The following SMOC1 variants were observed in gnomAD, a reference collection of about 807,000 sequenced individuals.
The protein encoded by SMOC1 is SPARC-related modular calcium-binding protein 1.
In SMOC1, 22 loss-of-function variants were observed where a neutral mutation model predicts 56.3. That is an observed-to-expected ratio of 0.39 (90% CI 0.28 to 0.56). The LOEUF (loss-of-function observed/expected upper bound fraction) is 0.56. Among genes scored for constraint, SMOC1 ranks in the 20% least tolerant of loss-of-function variants. The probability of loss-of-function intolerance (pLI) is 0.61; values close to 1 mark genes in which losing one functional copy is unlikely to be tolerated. For synonymous variants in SMOC1, 193 were observed against 215.0 expected (o/e 0.90, Z 0.89); for missense variants, 509 against 565.4 (o/e 0.90, Z 1.01).
At chr14:69,965,377 A>AAATAATAATAATAATAATAAT (rs544015097) in intron 3 of SMOC1, among the ~76,000 whole-genome samples, 3,118 of 113,858 alleles carry the variant, frequency 0.027, 36 homozygotes, top group East Asian at 0.049. Context: ...CAAGACTCTC[A>AAATAATAATAATAATAATAAT]AATAATAATA....
chr14:69,968,137 C>G (rs1472487169), intron 3 of SMOC1, among the ~76,000 whole-genome samples: 2 of 152,212 alleles, frequency 1.3e-5, no homozygotes, highest in African/African-American at 4.8e-5. Context: ...TTCCCAAACT[C>G]TCACGTAGAA....
chr14:69,988,289 C>CTT (rs11367943), intron 5 of SMOC1, among the ~76,000 whole-genome samples: 2,127 of 146,492 alleles, frequency 0.015, 57 homozygotes, highest in African/African-American at 0.047. Context: ...TTTGAATTGG[C>CTT]TTTTTTTTTT....
At chr14:69,910,375 G>C (rs573477350) in intron 1 of SMOC1, among the ~76,000 whole-genome samples, 2 of 152,332 alleles carry the variant, frequency 1.3e-5, no homozygotes, top group South Asian at 4.1e-4. Flanking sequence ...AGCACAGCAA[G>C]ATTCAGGTCA....
At position 69,965,528 on chromosome 14, in the gene SMOC1, T is replaced by C. The variant is rs143469702; in HGVS notation, c.379-10187T>C. Among the ~76,000 whole-genome samples, 377 of 151,898 alleles carry C rather than the reference T, an allele frequency of 2.5e-3. 4 individuals are homozygous for C. The highest frequency in any genetic ancestry group is 8.8e-3 in the African/African-American group (363 of 41,408). On this transcript the variant is annotated intron_variant, in intron 3 of 11. Transcript: ENST00000361956. ...ATCACTGAGTACAGTATATAAAGAG[T>C]AGGATTCTGACTCGAAATAGGGAAG... is the stretch of plus-strand genomic sequence containing the variant.
chr14:69,891,145 G>C (rs1452993853), intron 1 of SMOC1, among the ~76,000 whole-genome samples: 1 of 152,162 alleles, frequency 6.6e-6, no homozygotes, highest in East Asian at 1.9e-4. Context: ...TTACATAAAG[G>C]TTGAAAGCAT....
At chr14:69,885,968 G>T in intron 1 of SMOC1, 1 of 1,586,014 alleles carries the variant, frequency 6.3e-7, no homozygotes, top group Non-Finnish European at 8.6e-7. Context: ...GATATAGCGG[G>T]GCCATTTCAC....
rs114471771 is a variant in SMOC1 at position 69,908,660 on chromosome 14, G to A, written c.99+28883G>A. On this transcript the variant is annotated intron_variant, in intron 1 of 11. Coordinates refer to ENST00000361956, the MANE Select transcript of SMOC1 (RefSeq NM_001034852.3). ...TTTCCTCATCTGGCCTTTTGACAGT[G>A]CCTTGGGATCTGTGGGTGCCGTGCT... Among the ~76,000 whole-genome samples, 745 of 152,310 alleles carry A rather than the reference G, an allele frequency of 4.9e-3. 3 individuals carry two copies. The highest frequency in any genetic ancestry group is 0.017 in the African/African-American group (713 of 41,570).
At chr14:69,914,967 A>C (rs1884648160) in intron 1 of SMOC1, among the ~76,000 whole-genome samples, 1 of 152,050 alleles carries the variant, frequency 6.6e-6, no homozygotes, top group Non-Finnish European at 1.5e-5. Context: ...CCTGGGTTCA[A>C]GTGATTCTCC....
chr14:69,934,571 C>T (rs1426272890), intron 1 of SMOC1, among the ~76,000 whole-genome samples: 1 of 152,150 alleles, frequency 6.6e-6, no homozygotes, highest in Admixed American at 6.5e-5. Flanking sequence ...CTGCTGAGGT[C>T]CAGGTGTTAT....
chr14:69,964,428 A>G (rs1308099227), intron 3 of SMOC1, among the ~76,000 whole-genome samples: 2 of 142,084 alleles, frequency 1.4e-5, no homozygotes, highest in African/African-American at 5.4e-5. Context: ...CCCAGGCTGG[A>G]GTGTAGTGGC....
intron 1 of SMOC1, among the ~76,000 whole-genome samples, chr14:69,883,520 T>C (rs1883704131): frequency 6.6e-6 from 1 of 152,234 alleles, no homozygotes; most frequent in Non-Finnish European, 1.5e-5. Flanking sequence ...TCTCTATCCA[T>C]TCATCCACTG....
intron 5 of SMOC1, among the ~76,000 whole-genome samples, chr14:69,982,211 A>G (rs974079403): frequency 3.3e-5 from 5 of 152,158 alleles, no homozygotes; most frequent in Non-Finnish European, 7.3e-5. Flanking sequence ...TAAAAATACT[A>G]ATATACTCTG....
At chr14:70,015,615 G>T (rs1885482905) in intron 10 of SMOC1, among the ~76,000 whole-genome samples, 2 of 152,106 alleles carry the variant, frequency 1.3e-5, no homozygotes, top group South Asian at 4.1e-4. Flanking sequence ...CGCCCCTGTG[G>T]GTGGGGGCCA....
rs372151678 is a variant in SMOC1 at position 69,933,792 on chromosome 14, A to G, written c.100-18346A>G. Among the ~76,000 whole-genome samples the G allele has an allele frequency of 1.3e-3, 198 of 152,350 alleles. 1 individual carries two copies. The South Asian group carries it at 0.033, about 26-fold the overall frequency. On this transcript the variant is annotated intron_variant, in intron 1 of 11. Coordinates refer to ENST00000361956, the MANE Select transcript of SMOC1 (RefSeq NM_001034852.3). ...CTCAGCCTCCCATAGTGCTGGAATTACAGGCATGAGCCATCGCGCCTGGCC... is the reference window on the plus strand; with the variant it reads ...CTCAGCCTCCCATAGTGCTGGAATTGCAGGCATGAGCCATCGCGCCTGGCC...
At chr14:69,989,093 C>T (rs1292066415) in intron 5 of SMOC1, among the ~76,000 whole-genome samples, 1 of 152,130 alleles carries the variant, frequency 6.6e-6, no homozygotes, top group East Asian at 1.9e-4. Context: ...TGATGTTTAG[C>T]TTTTTAAAGA....
At chr14:69,899,595 A>G (rs533913316) in intron 1 of SMOC1, among the ~76,000 whole-genome samples, 4 of 152,288 alleles carry the variant, frequency 2.6e-5, no homozygotes, top group African/African-American at 7.2e-5. Context: ...GAATTGTCCA[A>G]TCCCCAGGCA....
chr14:70,013,646 C>T (rs1231749611), intron 10 of SMOC1, among the ~76,000 whole-genome samples, 155 bp downstream of exon 10: 3 of 152,176 alleles, frequency 2.0e-5, no homozygotes, highest in Non-Finnish European at 2.9e-5. Flanking sequence ...AGCTTTGACC[C>T]GCCTTCTGTC....
At chr14:69,979,990 G>A (rs1260687663) in intron 5 of SMOC1, among the ~76,000 whole-genome samples, 2 of 152,176 alleles carry the variant, frequency 1.3e-5, no homozygotes, top group Non-Finnish European at 2.9e-5. Context: ...AGGGGGATGT[G>A]GCTTTGCACC....
rs147602609 is a variant in SMOC1, at chr14:69,945,492, A to T, written c.100-6646A>T. Among the ~76,000 whole-genome samples the T allele has an allele frequency of 4.7e-3, 709 of 152,298 alleles. 1 individual carries two copies. Among genetic ancestry groups the T allele is most frequent in the Non-Finnish European group, 7.7e-3 (527 of 68,026 alleles). ...GATAAGACAGGAAAGCCTGTTGGAGACAGAGCCCCAGCCAAGCTCCCAACT... is the reference window on the plus strand; with the variant it reads ...GATAAGACAGGAAAGCCTGTTGGAGTCAGAGCCCCAGCCAAGCTCCCAACT... On this transcript the variant is annotated intron_variant, in intron 1 of 11. Coordinates refer to ENST00000361956, the MANE Select transcript of SMOC1 (RefSeq NM_001034852.3).
Sources: gnomAD v4.1 joint callset for allele counts (sites outside exome capture counted in the v4.1 genomes callset) on GRCh38, gnomAD v4.1.1 for gene constraint, MANE v1.5 for transcripts, NCBI Gene and HGNC (gene_info 2026-07-23, HGNC 2026-07-21) for gene names.